LHFPL2: variants seen among roughly 807,000 people sequenced by gnomAD.
The protein encoded by LHFPL2 is LHFPL tetraspan subfamily member 2, also known as LHFPL tetraspan subfamily member 2 protein.
A neutral mutation model predicts 17.5 loss-of-function variants in LHFPL2; 7 were observed. That is an observed-to-expected ratio of 0.40 (90% confidence interval 0.23 to 0.75). The LOEUF is 0.75. Ranked by LOEUF, LHFPL2 falls within the 30% of genes least tolerant of loss-of-function variation. LHFPL2 has a pLI of 0.37. For synonymous variants in LHFPL2, 134 were observed against 116.2 expected, an observed-to-expected ratio of 1.15 and a Z score of -0.99; for missense variants, 241 against 294.8, an observed-to-expected ratio of 0.82 and a Z score of 1.34.
chr5:78,608,698 C>T (rs1226946106), intron 2 of LHFPL2, among the ~76,000 whole-genome samples: 3 of 151,852 alleles, frequency 2.0e-5, no homozygotes, highest in South Asian at 2.1e-4. Context: ...TTTGGGAGGC[C>T]GAGGGAGGTG....
At chr5:78,617,950 C>T (rs1744678113) in intron 2 of LHFPL2, among the ~76,000 whole-genome samples, 1 of 152,106 alleles carries the variant, frequency 6.6e-6, no homozygotes, top group Admixed American at 6.6e-5. Context: ...CACCTGTAAT[C>T]CCAGCACTTT....
Position 78,489,059 on chromosome 5 carries a change from T to C in LHFPL2, c.525A>G (p.Lys175=). 1 of 1,614,162 alleles carries C rather than the reference T, an allele frequency of 6.2e-7. No individual in the cohort carries two copies. Among genetic ancestry groups the C allele is most frequent in the Non-Finnish European group, 8.5e-7 (1 of 1,180,034 alleles). Residue 175 remains lysine (K), a synonymous_variant, in exon 5 of 5, where the codon AAA becomes AAG. Coordinates refer to ENST00000380345, the MANE Select transcript of LHFPL2 (RefSeq NM_005779.3). Reference sequence around the variant, plus strand: ...CCCAGCCCAAGGAGCAGTCTCCAGGTTTGTAGGCAGATGCATAATGTCCAC... The same window carrying C: ...CCCAGCCCAAGGAGCAGTCTCCAGGCTTGTAGGCAGATGCATAATGTCCAC... ...DYCGHYASAY[K]PGDCSLGWAF...
At chr5:78,588,230 G>T (rs979968696) in intron 2 of LHFPL2, among the ~76,000 whole-genome samples, 1 of 152,180 alleles carries the variant, frequency 6.6e-6, no homozygotes, top group African/African-American at 2.4e-5. Flanking sequence ...GAGTGCAGTG[G>T]TGCAATCATA....
intron 2 of LHFPL2, among the ~76,000 whole-genome samples, chr5:78,628,055 C>T (rs980750705): frequency 6.6e-6 from 1 of 152,136 alleles, no homozygotes; most frequent in Non-Finnish European, 1.5e-5. Context: ...CTGTTCCTGA[C>T]CACAGTGCCC....
intron 3 of LHFPL2, among the ~76,000 whole-genome samples, chr5:78,540,869 C>CG (rs879855382): frequency 6.6e-6 from 1 of 152,114 alleles, no homozygotes; most frequent in African/African-American, 2.4e-5. Context: ...TATGGGGACA[C>CG]GGGGGGTTTT....
intron 3 of LHFPL2, among the ~76,000 whole-genome samples, chr5:78,550,279 C>T (rs1017309183): frequency 2.0e-5 from 3 of 152,102 alleles, no homozygotes; most frequent in Admixed American, 1.3e-4. Flanking sequence ...AGCCATGGCA[C>T]GGAAGACATT....
At chr5:78,617,050 T>C (rs1355141009) in intron 2 of LHFPL2, among the ~76,000 whole-genome samples, 4 of 151,906 alleles carry the variant, frequency 2.6e-5, no homozygotes, top group Non-Finnish European at 5.9e-5. Context: ...TTTTTTGAGA[T>C]GGAGTTTTAC....
At chr5:78,597,956 T>C (rs1743884034) in intron 2 of LHFPL2, among the ~76,000 whole-genome samples, 1 of 152,164 alleles carries the variant, frequency 6.6e-6, no homozygotes, top group African/African-American at 2.4e-5. Context: ...GCCAGAAATG[T>C]TTTTGTTGCT....
rs140903059 is a variant in LHFPL2 at position 78,575,863 on chromosome 5, G to A, written c.-244-10992C>T. 5.5e-3 allele frequency among the ~76,000 whole-genome samples: 834 copies of A among 152,298 alleles called. 9 individuals are homozygous for A. The highest frequency in any genetic ancestry group is 8.8e-3 in the Admixed American group (134 of 15,296). On this transcript the variant is annotated intron_variant, in intron 2 of 4. Transcript: ENST00000380345. ...CTGGACAATTTCAAGAAGTAGAGTC[G>A]CAGAGGTCATTTAATCTTCTAATTT...
At chr5:78,577,538 G>C (rs1757163410) in intron 2 of LHFPL2, among the ~76,000 whole-genome samples, 1 of 152,108 alleles carries the variant, frequency 6.6e-6, no homozygotes, top group Admixed American at 6.5e-5. Context: ...CAACACAAAA[G>C]TGAACGACCA....
intron 3 of LHFPL2, among the ~76,000 whole-genome samples, chr5:78,552,134 A>ATT (rs372439802): frequency 2.0e-4 from 28 of 140,480 alleles, no homozygotes; most frequent in African/African-American, 5.8e-4. Flanking sequence ...CATGTCAGTG[A>ATT]TTTTTTTTTT....
At chr5:78,547,645 C>A (rs139637070) in intron 3 of LHFPL2, among the ~76,000 whole-genome samples, 1 of 152,082 alleles carries the variant, frequency 6.6e-6, no homozygotes, top group Non-Finnish European at 1.5e-5. Context: ...AGTTTCCACA[C>A]GTATGAAATA....
intron 3 of LHFPL2, among the ~76,000 whole-genome samples, chr5:78,540,778 T>C (rs1756087009): frequency 6.6e-6 from 1 of 152,252 alleles, no homozygotes; most frequent in African/African-American, 2.4e-5. Context: ...CAATGGCTTA[T>C]TGAAGCGGCT....
intron 2 of LHFPL2, among the ~76,000 whole-genome samples, chr5:78,592,866 TGAG>T (rs1313418883): frequency 6.6e-6 from 1 of 152,186 alleles, no homozygotes; most frequent in Non-Finnish European, 1.5e-5. Context: ...TTATTCAGAA[TGAG>T]GAGTTATTGT....
At chr5:78,582,172 T>C (rs932555355) in intron 2 of LHFPL2, among the ~76,000 whole-genome samples, 2 of 152,238 alleles carry the variant, frequency 1.3e-5, no homozygotes, top group African/African-American at 4.8e-5. Context: ...TATTTGATTC[T>C]TCTCTCTTTT....
At chr5:78,644,350 C>T (rs1404293703) in intron 1 of LHFPL2, 22 of 1,239,384 alleles carry the variant, frequency 1.8e-5, no homozygotes, top group Non-Finnish European at 1.7e-5. Flanking sequence ...TTTGCTGCAT[C>T]AGGCTTTCCT....
intron 2 of LHFPL2, among the ~76,000 whole-genome samples, chr5:78,621,446 G>T (rs1014746785): frequency 6.6e-6 from 1 of 150,428 alleles, no homozygotes; most frequent in African/African-American, 2.5e-5. Context: ...TTTCTTCCTT[G>T]CAGTAATACT....
chr5:78,642,875 G>A (rs1270317182), intron 1 of LHFPL2, among the ~76,000 whole-genome samples: 1 of 152,042 alleles, frequency 6.6e-6, no homozygotes, highest in East Asian at 1.9e-4. Flanking sequence ...AGATGAACAG[G>A]AAGTGGGGTC....
chr5:78,617,918 A>C (rs934908419), intron 2 of LHFPL2, among the ~76,000 whole-genome samples: 25 of 151,940 alleles, frequency 1.6e-4, no homozygotes, highest in African/African-American at 6.0e-4. Context: ...AAAAAAATTC[A>C]GGGGCTGGGC....
Sources: allele counts gnomAD v4.1 joint callset (sites outside exome capture counted in the v4.1 genomes callset), GRCh38; gene constraint gnomAD v4.1.1; transcripts MANE v1.5; gene names NCBI Gene and HGNC (gene_info 2026-07-23, HGNC 2026-07-21).